MALRD1: variants seen among roughly 807,000 people sequenced by gnomAD.
MALRD1 encodes the protein MAM and LDL-receptor class A domain-containing protein 1.
Under a neutral mutation model 242.1 loss-of-function variants are expected in MALRD1, and 247 were observed. The observed-to-expected ratio is 1.02, with a 90% CI of 0.92 to 1.13. MALRD1 has a LOEUF of 1.13. Ranked by LOEUF, MALRD1 falls within the 50% of genes most tolerant of loss-of-function variation. The pLI, the probability that MALRD1 is intolerant of heterozygous loss-of-function variation, is 0.00. For synonymous variants in MALRD1, 995 were observed against 866.6 expected (o/e 1.15, Z -2.60); for missense variants, 2,989 against 2,533.1 (o/e 1.18, Z -3.86).
chr10:19,117,294 T>A (rs1332550905), intron 5 of MALRD1, among the ~76,000 whole-genome samples: 1 of 152,172 alleles, frequency 6.6e-6, no homozygotes, highest in Non-Finnish European at 1.5e-5. Flanking sequence ...TACCACTGGT[T>A]TTATGGTTGT....
At chr10:19,354,534 C>G (rs7909149) in intron 26 of MALRD1, among the ~76,000 whole-genome samples, 85,926 of 151,826 alleles carry the variant, frequency 0.57, 24,470 homozygotes, top group Middle Eastern at 0.6. Flanking sequence ...TCCCCACTAC[C>G]CTTTCCAGCC....
At chr10:19,062,209 C>A (rs903105997) in intron 1 of MALRD1, among the ~76,000 whole-genome samples, 1 of 151,994 alleles carries the variant, frequency 6.6e-6, no homozygotes, top group Admixed American at 6.6e-5. Flanking sequence ...CAAATAAAAA[C>A]CACAATGAGA....
intron 26 of MALRD1, among the ~76,000 whole-genome samples, chr10:19,365,659 T>TAAAAAAAAAAA (rs199989681): frequency 8.1e-6 from 1 of 122,874 alleles, no homozygotes. Context: ...TTATAAATTC[T>TAAAAAAAAAAA]AAAAAAAAAA....
intron 2 of MALRD1, among the ~76,000 whole-genome samples, chr10:19,087,427 A>C (rs920272797): frequency 1.3e-5 from 2 of 152,090 alleles, no homozygotes; most frequent in Non-Finnish European, 2.9e-5. Context: ...TGATGTGGTT[A>C]AATTATTTGT....
chr10:19,659,842 C>G (rs1841337966), intron 36 of MALRD1, among the ~76,000 whole-genome samples: 1 of 152,124 alleles, frequency 6.6e-6, no homozygotes, highest in African/African-American at 2.4e-5. Context: ...CAGCTCCACA[C>G]TCTACTGAGG....
At chr10:19,683,472 C>T (rs1175978572) in intron 36 of MALRD1, among the ~76,000 whole-genome samples, 1 of 152,142 alleles carries the variant, frequency 6.6e-6, no homozygotes, top group East Asian at 1.9e-4. Context: ...TACTGCAGTT[C>T]GTAAATAGGA....
At chr10:19,499,455 A>C (rs12257335) in intron 31 of MALRD1, among the ~76,000 whole-genome samples, 32,672 of 151,648 alleles carry the variant, frequency 0.22, 5,195 homozygotes, top group African/African-American at 0.45. Context: ...GAAAAAAAAA[A>C]AAAAAAACCA....
At chr10:19,405,896 T>A (rs967102695) in intron 28 of MALRD1, among the ~76,000 whole-genome samples, 5 of 152,134 alleles carry the variant, frequency 3.3e-5, no homozygotes, top group African/African-American at 1.2e-4. Context: ...TGAAGACCGT[T>A]TGACCTATAG....
At chr10:19,063,849 C>G (rs1040430864) in intron 1 of MALRD1, among the ~76,000 whole-genome samples, 1 of 151,602 alleles carries the variant, frequency 6.6e-6, no homozygotes, top group Non-Finnish European at 1.5e-5. Flanking sequence ...TGCTAAATGA[C>G]GAGTTAATGG....
chr10:19,424,476 T>G (rs1336688576), intron 28 of MALRD1, among the ~76,000 whole-genome samples: 1 of 152,202 alleles, frequency 6.6e-6, no homozygotes, highest in Non-Finnish European at 1.5e-5. Context: ...TATTCTTAAA[T>G]GTAACCTTAA....
intron 1 of MALRD1, among the ~76,000 whole-genome samples, chr10:19,057,552 G>T (rs1834704635): frequency 6.6e-6 from 1 of 152,104 alleles, no homozygotes; most frequent in Non-Finnish European, 1.5e-5. Flanking sequence ...TCAGCTTATA[G>T]TACCACAGAA....
At chr10:19,080,297 G>T (rs1835444433) in intron 2 of MALRD1, among the ~76,000 whole-genome samples, 2 of 151,574 alleles carry the variant, frequency 1.3e-5, no homozygotes, top group Non-Finnish European at 3.0e-5. Context: ...CCCAAAAGAG[G>T]TCTCATAGCC....
intron 7 of MALRD1, among the ~76,000 whole-genome samples, chr10:19,125,943 A>G (rs1240639333): frequency 6.6e-6 from 1 of 151,792 alleles, no homozygotes; most frequent in Non-Finnish European, 1.5e-5. Context: ...TTTTTCTTTT[A>G]TTTAGAAAAG....
intron 36 of MALRD1, among the ~76,000 whole-genome samples, chr10:19,635,328 A>G (rs1011272318): frequency 5.9e-5 from 9 of 152,190 alleles, no homozygotes; most frequent in African/African-American, 2.2e-4. Flanking sequence ...TAATAAGTCA[A>G]CTGAAAATGT....
At chr10:19,576,964 G>GTTTTT (rs11331552) in intron 33 of MALRD1, among the ~76,000 whole-genome samples, 1 of 123,414 alleles carries the variant, frequency 8.1e-6, no homozygotes, top group Non-Finnish European at 1.7e-5. Context: ...CCACATTGTC[G>GTTTTT]TTTTTTTTTT....
At chr10:19,186,533 C>T (rs1189841884) in intron 14 of MALRD1, among the ~76,000 whole-genome samples, 1 of 152,174 alleles carries the variant, frequency 6.6e-6, no homozygotes, top group East Asian at 1.9e-4. Flanking sequence ...AGTGAAAATA[C>T]GTGATTCTTC....
At chr10:19,392,638 G>A (rs551036517) in intron 28 of MALRD1, among the ~76,000 whole-genome samples, 2 of 152,244 alleles carry the variant, frequency 1.3e-5, no homozygotes, top group African/African-American at 2.4e-5. Context: ...CTTTTCATTA[G>A]AGAGATGTAA....
chr10:19,114,666 ATATGTGGACCAC>A (rs1836807241), intron 5 of MALRD1, among the ~76,000 whole-genome samples: 1 of 152,128 alleles, frequency 6.6e-6, no homozygotes. Context: ...TTCTTTTCAC[ATATGTGGACCAC>A]TATGCACCTG....
At chr10:19,544,643 C>T (rs1835129772) in intron 32 of MALRD1, among the ~76,000 whole-genome samples, 1 of 151,640 alleles carries the variant, frequency 6.6e-6, no homozygotes, top group African/African-American at 2.4e-5. Context: ...TAATAATCTA[C>T]CCACCACCCA....
Sources: gnomAD v4.1 joint callset for allele counts (sites outside exome capture counted in the v4.1 genomes callset) on GRCh38, gnomAD v4.1.1 for gene constraint, MANE v1.5 for transcripts, NCBI Gene and HGNC (gene_info 2026-07-23, HGNC 2026-07-21) for gene names.